The following CNTN6 variants were observed in gnomAD, a reference collection of about 807,000 sequenced individuals.
CNTN6 encodes contactin 6.
In CNTN6, 137 loss-of-function variants were observed where a neutral mutation model predicts 122.8. That is an observed-to-expected ratio of 1.12 (90% CI 0.97 to 1.29). The LOEUF is 1.29. Ranked by LOEUF, CNTN6 falls within the 50% of genes most tolerant of loss-of-function variation. The probability of loss-of-function intolerance (pLI) is 0.00; values close to 1 mark genes in which losing one functional copy is unlikely to be tolerated. For missense variants in CNTN6, 1,634 were observed against 1,223.4 expected, an observed-to-expected ratio of 1.34 and a Z score of -5.01; for synonymous variants, 570 against 426.0, an observed-to-expected ratio of 1.34 and a Z score of -4.16.
At chr3:1,267,351 T>TA (rs1156448492) in intron 4 of CNTN6, among the ~76,000 whole-genome samples, 2 of 152,128 alleles carry the variant, frequency 1.3e-5, no homozygotes, top group African/African-American at 2.4e-5. Flanking sequence ...TTTATTTTTT[T>TA]AGTTATGTGG....
intron 5 of CNTN6, among the ~76,000 whole-genome samples, chr3:1,294,920 A>G (rs262802): frequency 0.75 from 113,563 of 152,036 alleles, 44,750 homozygotes; most frequent in East Asian, 1. Context: ...TTGGTTTTAC[A>G]CTAAGACCTA....
chr3:1,326,026 A>T, intron 9 of CNTN6, 75 bp downstream of exon 9: 1 of 1,281,898 alleles, frequency 7.8e-7, no homozygotes, highest in Non-Finnish European at 1.1e-6. Flanking sequence ...ACTAGTAACT[A>T]ACAGAAACAG....
intron 7 of CNTN6, among the ~76,000 whole-genome samples, chr3:1,308,984 A>ATT (rs1312252681): frequency 6.6e-6 from 1 of 151,968 alleles, no homozygotes; most frequent in Non-Finnish European, 1.5e-5. Context: ...TGGTATGTTT[A>ATT]TTTTCTTATT....
chr3:1,373,753 G>C lies in CNTN6; in HGVS notation c.1936G>C (p.Val646Leu), dbSNP rs770142879. ...RTPFSVGWQA[V>L]ATVPEILNGK... ...ACCATTTTCTGTGGGTTGGCAGGCT[G>C]TTGCTACAGGTGAGTGACAAAAGTG... Residue 646 changes from valine to leucine, a missense_variant, in exon 15 of 23, where the codon GTT (valine) becomes CTT (leucine). By Grantham distance (32) the Val-to-Leu change is conservative. Coordinates refer to ENST00000446702, the MANE Select transcript of CNTN6 (RefSeq NM_001289080.2). 2 of 1,604,298 alleles carry C rather than the reference G, an allele frequency of 1.2e-6. No homozygotes were observed. Among genetic ancestry groups the C allele is most frequent in the Admixed American group, 3.4e-5 (2 of 58,642 alleles).
chr3:1,186,776 T>G (rs1435819883), intron 2 of CNTN6, among the ~76,000 whole-genome samples: 1 of 152,016 alleles, frequency 6.6e-6, no homozygotes, highest in Non-Finnish European at 1.5e-5. Flanking sequence ...CCACACTCAG[T>G]AGCCTTTCTG....
At chr3:1,377,259 G>A (rs1710009179) in intron 17 of CNTN6, among the ~76,000 whole-genome samples, 184 bp downstream of exon 17, 1 of 152,142 alleles carries the variant, frequency 6.6e-6, no homozygotes, top group Non-Finnish European at 1.5e-5. Context: ...TGGTGAGACA[G>A]TATGACGAAC....
At chr3:1,120,647 TTATC>T (rs2091914981) in intron 1 of CNTN6, among the ~76,000 whole-genome samples, 1 of 151,908 alleles carries the variant, frequency 6.6e-6, no homozygotes, top group Non-Finnish European at 1.5e-5. Flanking sequence ...AAAGTCAAAT[TTATC>T]TATATTTTTA....
chr3:1,101,468 T>G (rs182491484), intron 1 of CNTN6, among the ~76,000 whole-genome samples: 82 of 152,320 alleles, frequency 5.4e-4, no homozygotes, highest in Non-Finnish European at 1.1e-3. Flanking sequence ...GCCGTGTACT[T>G]CCCTATACTT....
intron 12 of CNTN6, among the ~76,000 whole-genome samples, chr3:1,357,635 A>G (rs2126092441): frequency 6.6e-6 from 1 of 152,058 alleles, no homozygotes; most frequent in Non-Finnish European, 1.5e-5. Context: ...CAACAAATGT[A>G]CATATTAAAA....
chr3:1,225,270 A>G (rs1575313442), intron 3 of CNTN6, among the ~76,000 whole-genome samples: 2 of 152,344 alleles, frequency 1.3e-5, no homozygotes, highest in East Asian at 3.9e-4. Flanking sequence ...CAATCATTTG[A>G]ATTCATTAAT....
intron 1 of CNTN6, among the ~76,000 whole-genome samples, chr3:1,100,408 C>T (rs1282228955): frequency 6.6e-6 from 1 of 151,978 alleles, no homozygotes; most frequent in Non-Finnish European, 1.5e-5. Flanking sequence ...AATAAATATT[C>T]GTCTTTTCAC....
intron 2 of CNTN6, among the ~76,000 whole-genome samples, chr3:1,171,736 C>G (rs1207324671): frequency 2.6e-5 from 4 of 152,038 alleles, no homozygotes; most frequent in Non-Finnish European, 5.9e-5. Flanking sequence ...CCTCCCAAGT[C>G]CCTGGGACTA....
intron 20 of CNTN6, among the ~76,000 whole-genome samples, chr3:1,388,226 C>G (rs149793): frequency 0.77 from 111,298 of 145,374 alleles, 44,247 homozygotes; most frequent in African/African-American, 0.94. Flanking sequence ...AGAACTGGCA[C>G]ACTGCCTCCT....
chr3:1,225,534 G>T (rs1222969678), intron 3 of CNTN6, among the ~76,000 whole-genome samples: 3 of 152,154 alleles, frequency 2.0e-5, no homozygotes, highest in Non-Finnish European at 2.9e-5. Flanking sequence ...AAAATTAAAA[G>T]GAGCTGGCAA....
intron 1 of CNTN6, among the ~76,000 whole-genome samples, chr3:1,117,424 T>C (rs909881205): frequency 6.6e-6 from 1 of 152,178 alleles, no homozygotes; most frequent in East Asian, 1.9e-4. Flanking sequence ...CAATGTGTTA[T>C]AGTGGTTATG....
chr3:1,226,533 C>G (rs1485200700), intron 3 of CNTN6, among the ~76,000 whole-genome samples: 3 of 152,112 alleles, frequency 2.0e-5, no homozygotes, highest in Non-Finnish European at 4.4e-5. Flanking sequence ...AAGAAACACC[C>G]TTTTCCTCCT....
chr3:1,242,233 TG>T (rs1420166931), intron 4 of CNTN6, among the ~76,000 whole-genome samples: 2 of 152,010 alleles, frequency 1.3e-5, no homozygotes, highest in Non-Finnish European at 2.9e-5. Context: ...TCAGTCTAAG[TG>T]AAAGCAAAGA....
At chr3:1,128,856 C>T (rs977800686) in intron 1 of CNTN6, among the ~76,000 whole-genome samples, 2 of 151,954 alleles carry the variant, frequency 1.3e-5, no homozygotes, top group African/African-American at 4.8e-5. Flanking sequence ...ATATATTGCA[C>T]TTTTAATAGT....
chr3:1,255,256 A>T (rs1432943805), intron 4 of CNTN6, among the ~76,000 whole-genome samples: 1 of 152,140 alleles, frequency 6.6e-6, no homozygotes, highest in African/African-American at 2.4e-5. Flanking sequence ...AAGATGCTGC[A>T]AAGTCATTGC....
Sources: gnomAD v4.1 joint callset for allele counts (sites outside exome capture counted in the v4.1 genomes callset) on GRCh38, gnomAD v4.1.1 for gene constraint, MANE v1.5 for transcripts, NCBI Gene and HGNC (gene_info 2026-07-23, HGNC 2026-07-21) for gene names.